CTNNA3: variants seen among roughly 807,000 people sequenced by gnomAD.
The protein encoded by CTNNA3 is catenin alpha-3.
A neutral mutation model predicts 95.7 loss-of-function variants in CTNNA3; 76 were observed. The observed-to-expected ratio is 0.79, with a 90% CI of 0.66 to 0.96. CTNNA3 has a LOEUF of 0.96. CTNNA3 is among the 40% of genes least tolerant of loss of function. The pLI is 0.00. For missense variants in CTNNA3, 1,191 were observed against 1,089.8 expected (o/e 1.09, Z -1.31); for synonymous variants, 431 against 374.4 (o/e 1.15, Z -1.74).
intron 5 of CTNNA3, among the ~76,000 whole-genome samples, chr10:67,388,708 T>C (rs1321586902): frequency 6.6e-6 from 1 of 151,840 alleles, no homozygotes; most frequent in African/African-American, 2.4e-5. Flanking sequence ...TAACAGCGGA[T>C]CTCTCGGCAG....
At chr10:66,057,828 G>A (rs1450161331) in intron 15 of CTNNA3, among the ~76,000 whole-genome samples, 1 of 152,050 alleles carries the variant, frequency 6.6e-6, no homozygotes, top group Non-Finnish European at 1.5e-5. Flanking sequence ...AGCCAGGCAT[G>A]TTTTTCAAAA....
intron 9 of CTNNA3, among the ~76,000 whole-genome samples, chr10:66,755,668 GGGTGTCTACAA>G (rs1180603918): frequency 6.6e-6 from 1 of 152,024 alleles, no homozygotes; most frequent in Non-Finnish European, 1.5e-5. Flanking sequence ...ATCCGCTTCT[GGGTGTCTACAA>G]GAGAAACAAA....
chr10:66,267,170 C>A (rs115221381), intron 13 of CTNNA3, among the ~76,000 whole-genome samples: 1 of 151,996 alleles, frequency 6.6e-6, no homozygotes, highest in African/African-American at 2.4e-5. Context: ...CCGTTCCTCT[C>A]GCCATTTAGC....
intron 8 of CTNNA3, among the ~76,000 whole-genome samples, chr10:66,767,509 C>G (rs1157410755): frequency 6.6e-6 from 1 of 150,592 alleles, no homozygotes; most frequent in Non-Finnish European, 1.5e-5. Flanking sequence ...ATGTCAATGA[C>G]TATAAATGGG....
At chr10:66,528,932 G>T (rs149981208) in intron 10 of CTNNA3, among the ~76,000 whole-genome samples, 12 of 151,998 alleles carry the variant, frequency 7.9e-5, no homozygotes, top group African/African-American at 2.7e-4. Flanking sequence ...TTATGAGGGT[G>T]TATCTGACAC....
rs768292067 is a variant in CTNNA3 at position 66,591,317 on chromosome 10, A to G, written c.1374+30375T>C. Among the ~76,000 whole-genome samples, 24 of 152,144 alleles carry G rather than the reference A, an allele frequency of 1.6e-4. 1 individual carries two copies. Among genetic ancestry groups the G allele is most frequent in the Non-Finnish European group, 3.2e-4 (22 of 68,010 alleles). On this transcript the variant is annotated intron_variant, in intron 10 of 17. Transcript: ENST00000433211. Reference sequence around the variant, plus strand: ...CTTGGGGACTTTCAGTGGAAGGAAGATTGTTGGGAATATTATCAACGCACA... The same window carrying G: ...CTTGGGGACTTTCAGTGGAAGGAAGGTTGTTGGGAATATTATCAACGCACA...
intron 7 of CTNNA3, among the ~76,000 whole-genome samples, chr10:67,016,478 C>A (rs1460658059): frequency 4.6e-5 from 7 of 152,124 alleles, no homozygotes; most frequent in Non-Finnish European, 1.0e-4. Context: ...ACTGCCTGGG[C>A]TGAAAGACAA....
chr10:66,216,275 C>A (rs1392419269), intron 13 of CTNNA3, among the ~76,000 whole-genome samples: 3 of 152,206 alleles, frequency 2.0e-5, no homozygotes, highest in Admixed American at 1.3e-4. Flanking sequence ...CAACTTATAT[C>A]TTTAGTTTAC....
At chr10:67,223,428 T>C (rs1864746431) in intron 5 of CTNNA3, among the ~76,000 whole-genome samples, 1 of 152,200 alleles carries the variant, frequency 6.6e-6, no homozygotes, top group Non-Finnish European at 1.5e-5. Context: ...TTTCTTTGGA[T>C]GGAGAAGTAT....
intron 9 of CTNNA3, among the ~76,000 whole-genome samples, chr10:66,755,872 A>G (rs113443177): frequency 0.012 from 1,770 of 152,200 alleles, 44 homozygotes; most frequent in African/African-American, 0.041. Context: ...TCCTAAACTA[A>G]TTCAATCTGC....
chr10:66,854,441 G>A (rs1473004546), intron 7 of CTNNA3, among the ~76,000 whole-genome samples: 2 of 151,862 alleles, frequency 1.3e-5, no homozygotes, highest in Non-Finnish European at 2.9e-5. Flanking sequence ...TCTAGGATTC[G>A]ACAAACAAGT....
chr10:66,284,185 G>A (rs1256141663), intron 12 of CTNNA3, among the ~76,000 whole-genome samples: 1 of 151,870 alleles, frequency 6.6e-6, no homozygotes, highest in African/African-American at 2.4e-5. Context: ...CTCTTTTGCA[G>A]CCTATACTTT....
chr10:67,512,661 A>G (rs1439129153), intron 5 of CTNNA3, among the ~76,000 whole-genome samples: 4 of 151,860 alleles, frequency 2.6e-5, no homozygotes, highest in African/African-American at 7.3e-5. Context: ...CTTTGTCTAC[A>G]GTGTTGTAAT....
Position 66,578,016 on chromosome 10 carries a change from A to G in CTNNA3, c.1374+43676T>C, listed in dbSNP as rs553001013. Reference sequence around the variant, plus strand: ...TGATTTCTCTCAGCATTGTTTTGTAATTCTCTTTGCAAGGTTCTTTAAGGT... The same window carrying G: ...TGATTTCTCTCAGCATTGTTTTGTAGTTCTCTTTGCAAGGTTCTTTAAGGT... On this transcript the variant is annotated intron_variant, in intron 10 of 17. Transcript: ENST00000433211. 2.6e-5 allele frequency among the ~76,000 whole-genome samples: 4 copies of G among 151,892 alleles called. 2 individuals are homozygous for G. The highest frequency in any genetic ancestry group is 9.7e-5 in the African/African-American group (4 of 41,422).
intron 7 of CTNNA3, among the ~76,000 whole-genome samples, chr10:67,079,145 T>G (rs1856901429): frequency 6.6e-6 from 1 of 152,228 alleles, no homozygotes; most frequent in African/African-American, 2.4e-5. Context: ...TGCATTCCCC[T>G]TTTGGTTTCT....
intron 5 of CTNNA3, among the ~76,000 whole-genome samples, chr10:67,349,668 A>G (rs990711361): frequency 6.6e-6 from 1 of 152,168 alleles, no homozygotes; most frequent in Middle Eastern, 3.2e-3. Flanking sequence ...TATATTGCAC[A>G]CTTAAAAAAT....
In CTNNA3 at chr10:67,426,170, C is replaced by A. The variant is rs2132881761; in HGVS notation, c.579+95672G>T. ...GAAGCAGAAAATGACCTTGAACTAA[C>A]ATATGAAGAGATTTATATTCTAGGA... On this transcript the variant is annotated intron_variant, in intron 5 of 17. Transcript: ENST00000433211. Among the ~76,000 whole-genome samples, 2 of 152,142 alleles carry A rather than the reference C, an allele frequency of 1.3e-5. 1 individual carries two copies. The highest frequency in any genetic ancestry group is 4.2e-4 in the South Asian group (2 of 4,818).
At chr10:66,123,892 G>A (rs983848952) in intron 13 of CTNNA3, among the ~76,000 whole-genome samples, 3 of 152,162 alleles carry the variant, frequency 2.0e-5, no homozygotes, top group Non-Finnish European at 4.4e-5. Context: ...GGGACCCTGG[G>A]CCTGGCCCAC....
At chr10:66,554,422 T>A (rs1842327467) in intron 10 of CTNNA3, among the ~76,000 whole-genome samples, 1 of 146,984 alleles carries the variant, frequency 6.8e-6, no homozygotes, top group Admixed American at 6.8e-5. Context: ...GTCATAATTT[T>A]TAAAAAAAAT....
Sources: allele counts gnomAD v4.1 joint callset (sites outside exome capture counted in the v4.1 genomes callset), GRCh38; gene constraint gnomAD v4.1.1; transcripts MANE v1.5; gene names NCBI Gene and HGNC (gene_info 2026-07-23, HGNC 2026-07-21).